RGS4: variants seen among roughly 807,000 people sequenced by gnomAD.
The protein encoded by RGS4 is regulator of G protein signaling 4.
In RGS4, 15 loss-of-function variants were observed where a neutral mutation model predicts 21.6. The observed-to-expected ratio is 0.69, with a 90% confidence interval of 0.46 to 1.07. The LOEUF is 1.07. Ranked by LOEUF, RGS4 falls within the 50% of genes least tolerant of loss-of-function variation. The pLI is 0.00. For synonymous variants in RGS4, 94 were observed against 85.5 expected (o/e 1.10, Z -0.55); for missense variants, 237 against 239.0 (o/e 0.99, Z 0.06).
rs1557860386 is a variant in RGS4 at position 163,074,559 on chromosome 1, A to G, written c.617A>G (p.Ter206=). The G allele has an allele frequency of 6.2e-7, 1 of 1,613,896 alleles. No homozygotes were observed. Among genetic ancestry groups the G allele is most frequent in the African/African-American group, 1.3e-5 (1 of 75,012 alleles). Residue 206 remains the stop codon, a stop_retained_variant, in exon 5 of 5, where the codon TAA becomes TGA. Transcript: ENST00000367909. ...DCASLVPQCA[*] The stretch of plus-strand genomic sequence containing the variant: ...GCTTCCCTGGTCCCTCAGTGTGCCT[A>G]ATTCTCACCTGAAGGCAGAGGGATG...
At position 163,072,849 on chromosome 1, in the gene RGS4, A is replaced by G. The variant is rs1655365731; in HGVS notation, c.194A>G (p.Asn65Ser). The G allele has an allele frequency of 6.2e-7, 1 of 1,612,954 alleles. No individual in the cohort carries two copies. The highest frequency in any genetic ancestry group is 1.3e-5 in the African/African-American group (1 of 74,826). Residue 65 changes from asparagine (N) to serine (S), a missense_variant, in exon 3 of 5, where the codon AAC becomes AGC. Coordinates refer to ENST00000367909, the MANE Select transcript of RGS4 (RefSeq NM_005613.6). Reference protein sequence around the residue: ...EVKKWAESLENLISHECGLAA... With the variant: ...EVKKWAESLESLISHECGLAA... ...AAGAAATGGGCTGAATCACTGGAAA[A>G]CCTGATTAGTCATGAATGTAAGTCT...
chr1:163,071,124 T>A (rs971783978), intron 1 of RGS4, among the ~76,000 whole-genome samples: 4 of 152,198 alleles, frequency 2.6e-5, no homozygotes, highest in Non-Finnish European at 4.4e-5. Context: ...GACTTCATGA[T>A]ATATTTACAT....
At chr1:163,069,196 T>C (rs942157908), upstream of RGS4, 1 of 1,516,134 alleles carries the variant, frequency 6.6e-7, no homozygotes, top group Non-Finnish European at 8.8e-7. Context: ...GGATTTTCTC[T>C]GCTCGTTCAC....
At chr1:163,072,014 AC>A (rs1655333531) in intron 1 of RGS4, 1 of 991,996 alleles carries the variant, frequency 1.0e-6, no homozygotes, top group Non-Finnish European at 1.2e-6. Context: ...TTTTGCCGCT[AC>A]TGCTTTCTGA....
upstream of RGS4, chr1:163,068,943 T>C (rs372178408): frequency 1.7e-4 from 278 of 1,601,414 alleles, 2 homozygotes; most frequent in Middle Eastern, 2.2e-3. Flanking sequence ...CCATGTATAA[T>C]ATGATGCTTC....
chr1:163,073,574 G>A lies in RGS4; in HGVS notation c.330G>A (p.Lys110=). Residue 110 remains lysine (K), a synonymous_variant, in exon 4 of 5, where the codon AAG becomes AAA. Coordinates refer to ENST00000367909, the MANE Select transcript of RGS4 (RefSeq NM_005613.6). The stretch of plus-strand genomic sequence containing the variant: ...AATCACCATCTAAACTAAGTCCCAA[G>A]GCCAAAAAGATCTATAATGAATTCA... ...KIKSPSKLSP[K]AKKIYNEFIS... The A allele has an allele frequency of 6.2e-7, 1 of 1,610,584 alleles. No individual in the cohort carries two copies. The highest frequency in any genetic ancestry group is 2.2e-5 in the East Asian group (1 of 44,684).
At chr1:163,071,845 G>A (rs1455573352) in intron 1 of RGS4, 1 of 58,772 alleles carries the variant, frequency 1.7e-5, no homozygotes, top group Non-Finnish European at 3.0e-5. Flanking sequence ...CCTCACAGCA[G>A]GAACTGCTTG....
upstream of RGS4, chr1:163,068,919 G>T: frequency 1.3e-6 from 2 of 1,547,022 alleles, no homozygotes; most frequent in Non-Finnish European, 1.8e-6. Context: ...AAATCGTGAG[G>T]ATCAGATCTT....
chr1:163,072,808 G>A lies in RGS4; in HGVS notation c.153G>A (p.Val51=), dbSNP rs768131750. The change falls in exon 3 of 5, where the codon GTG becomes GTA. Residue 51 remains valine (V), a synonymous_variant. Transcript: ENST00000367909. ...TGTTTCTCTCTATTTTTTCTAGAGT[G>A]AGCCAAGAGGAAGTCAAGAAATGGG... ...KKDKVVICQR[V]SQEEVKKWAE... 6.8e-6 allele frequency: 11 copies of A among 1,612,354 alleles called. No homozygotes were observed. The African/African-American group carries it at 8.0e-5, about 12-fold the overall frequency.
At position 163,074,906 on chromosome 1, in the gene RGS4, T is replaced by C; in HGVS notation, c.*346T>C. The C allele has an allele frequency of 1.7e-6, 1 of 581,646 alleles. No individual in the cohort carries two copies. Among genetic ancestry groups the C allele is most frequent in the Non-Finnish European group, 3.1e-6 (1 of 326,604 alleles). 36.0% of individuals were successfully genotyped at this position (581,646 alleles called of 1,614,324 possible). On this transcript the variant is annotated 3_prime_UTR_variant, in exon 5 of 5. Coordinates refer to ENST00000367909, the MANE Select transcript of RGS4 (RefSeq NM_005613.6). ...CCTCGGGATGGTTGGTTAGTGCATG[T>C]CACATGACATCCACATGCACATGTA... is the stretch of plus-strand genomic sequence containing the variant.
rs1655439834 is a variant in RGS4, at chr1:163,074,680, C to G, written c.*120C>G. 1 of 1,410,418 alleles carries G rather than the reference C, an allele frequency of 7.1e-7. No individual in the cohort carries two copies. The highest frequency in any genetic ancestry group is 1.7e-5 in the Admixed American group (1 of 58,516). The allele number at this position is 1,410,418 out of a possible 1,614,324, so 87.4% of individuals were successfully genotyped here. A position where few individuals can be genotyped will look rare whatever the true frequency, so the allele number is the denominator to read the frequency against. On this transcript the variant is annotated 3_prime_UTR_variant, in exon 5 of 5. Coordinates refer to ENST00000367909, the MANE Select transcript of RGS4 (RefSeq NM_005613.6). ...TCCACATTGTAGCCTAATATTCATGCTGCCTGCCATGTGTGAGTCACTTCT... is the reference window on the plus strand; with the variant it reads ...TCCACATTGTAGCCTAATATTCATGGTGCCTGCCATGTGTGAGTCACTTCT...
At chr1:163,069,621 A>T (rs1460838438) in intron 1 of RGS4, 93 bp downstream of exon 1, 2 of 1,048,294 alleles carry the variant, frequency 1.9e-6, no homozygotes, top group African/African-American at 1.6e-5. Flanking sequence ...GTTCTGTGCA[A>T]TTAGAAACAG....
intron 1 of RGS4, among the ~76,000 whole-genome samples, chr1:163,069,896 C>T (rs755544786): frequency 2.0e-5 from 3 of 152,070 alleles, no homozygotes; most frequent in Non-Finnish European, 4.4e-5. Context: ...TACATAGAAG[C>T]CTGGCTCTGG....
At chr1:163,073,221 C>T (rs113999620) in intron 3 of RGS4, among the ~76,000 whole-genome samples, 2 of 152,286 alleles carry the variant, frequency 1.3e-5, no homozygotes, top group Non-Finnish European at 2.9e-5. Context: ...AAGCAAAATA[C>T]TTCCTTGAAA....
rs781633813 is a variant in RGS4 at position 163,072,356 on chromosome 1, G to A, written c.45-39G>A. 5 of 1,438,924 alleles carry A rather than the reference G, an allele frequency of 3.5e-6. No individual in the cohort carries two copies. The Admixed American group carries it at 8.5e-5, about 24-fold the overall frequency. The allele number at this position is 1,438,924 out of a possible 1,614,324, so 89.1% of individuals were successfully genotyped here. On this transcript the variant is annotated intron_variant, in intron 1 of 4. Coordinates refer to ENST00000367909, the MANE Select transcript of RGS4 (RefSeq NM_005613.6). Reference sequence around the variant, plus strand: ...CATTAGGTATCTTTTAAAGAAAGCTGGTTATTACTATTTATTCATTTTTTT... The same window carrying A: ...CATTAGGTATCTTTTAAAGAAAGCTAGTTATTACTATTTATTCATTTTTTT...
chr1:163,071,987 C>G, intron 1 of RGS4: 1 of 987,328 alleles, frequency 1.0e-6, no homozygotes, highest in Non-Finnish European at 1.2e-6. Context: ...AGGTGGCGTG[C>G]AGCAAGGATG....
intron 1 of RGS4, chr1:163,072,052 C>G: frequency 9.9e-7 from 1 of 1,014,126 alleles, no homozygotes; most frequent in Non-Finnish European, 1.2e-6. Context: ...AGAGATCACT[C>G]ATGTGTTCAG....
chr1:163,069,098 CA>C, upstream of RGS4: 1 of 1,516,008 alleles, frequency 6.6e-7, no homozygotes. Context: ...CAGCATTGTA[CA>C]CTTTTTTTCC....
Position 163,069,404 on chromosome 1 carries a change from G to A in RGS4, c.-81G>A, listed in dbSNP as rs1336222027. 1 of 1,603,270 alleles carries A rather than the reference G, an allele frequency of 6.2e-7. No individual in the cohort carries two copies. The highest frequency in any genetic ancestry group is 2.3e-5 in the East Asian group (1 of 44,286). On this transcript the variant is annotated 5_prime_UTR_variant, in exon 1 of 5. Coordinates refer to ENST00000367909, the MANE Select transcript of RGS4 (RefSeq NM_005613.6). Reference sequence around the variant, plus strand: ...TGACAATATCTTTACCGGAGAAGAGGCAAAGTACGCTCAAAGCCGAAGCCA... The same window carrying A: ...TGACAATATCTTTACCGGAGAAGAGACAAAGTACGCTCAAAGCCGAAGCCA...
Sources: allele counts gnomAD v4.1 joint callset (sites outside exome capture counted in the v4.1 genomes callset), GRCh38; gene constraint gnomAD v4.1.1; transcripts MANE v1.5; gene names NCBI Gene and HGNC (gene_info 2026-07-23, HGNC 2026-07-21).